Variants in ASIC2 observed in about 807,000 individuals in gnomAD.
ASIC2 encodes acid sensing ion channel subunit 2.
In ASIC2, 25 loss-of-function variants were observed where a neutral mutation model predicts 57.3. That is an observed-to-expected ratio of 0.44 (90% confidence interval 0.32 to 0.61). The LOEUF (loss-of-function observed/expected upper bound fraction) is 0.61, where lower values mean the gene tolerates loss of function less well. Among genes scored for constraint, ASIC2 ranks in the 20% least tolerant of loss-of-function variants. The probability of loss-of-function intolerance (pLI) is 0.06; values close to 1 mark genes in which losing one functional copy is unlikely to be tolerated. For missense variants in ASIC2, 641 were observed against 738.1 expected (o/e 0.87, Z 1.52); for synonymous variants, 319 against 307.5 (o/e 1.04, Z -0.39).
rs1452536784 is a variant in ASIC2 at position 33,013,129 on chromosome 17, C to T, written c.*836G>A. 2 of 152,038 alleles carry T rather than the reference C, an allele frequency of 1.3e-5. No homozygotes were observed. The highest frequency in any genetic ancestry group is 2.4e-5 in the African/African-American group (1 of 41,326). 9.4% of individuals were successfully genotyped at this position (152,038 alleles called of 1,614,324 possible). The stretch of plus-strand genomic sequence containing the variant: ...TTTAATATGACTGTGATTTGAAGCA[C>T]GAATAAATAAATGCCAAAGAAAATG... On this transcript the variant is annotated 3_prime_UTR_variant, in exon 10 of 10. Coordinates refer to ENST00000225823, the MANE Select transcript of ASIC2 (RefSeq NM_183377.2).
At chr17:33,322,313 A>G (rs1381339331) in intron 1 of ASIC2, among the ~76,000 whole-genome samples, 1 of 152,168 alleles carries the variant, frequency 6.6e-6, no homozygotes, top group Non-Finnish European at 1.5e-5. Flanking sequence ...GCCAGTTGGA[A>G]GGAAGATCCA....
intron 1 of ASIC2, among the ~76,000 whole-genome samples, chr17:33,427,476 A>C (rs1338877512): frequency 6.6e-6 from 1 of 152,232 alleles, no homozygotes; most frequent in Non-Finnish European, 1.5e-5. Flanking sequence ...GAATCAAATG[A>C]GAGAAAACTA....
At chr17:33,958,216 G>A (rs1012878311) in intron 1 of ASIC2, among the ~76,000 whole-genome samples, 1 of 152,188 alleles carries the variant, frequency 6.6e-6, no homozygotes, top group African/African-American at 2.4e-5. Flanking sequence ...GCTTTTCCAG[G>A]TGCACGATGC....
Position 33,720,828 on chromosome 17 carries a change from G to A in ASIC2, c.555+435150C>T, listed in dbSNP as rs551946725. On this transcript the variant is annotated intron_variant, in intron 1 of 9. Transcript: ENST00000359872. ...GATCACGGAGTAATGCACTTGCTTG[G>A]ATCGTTGTCTGTAATTCATCATACT... is the stretch of plus-strand genomic sequence containing the variant. Among the ~76,000 whole-genome samples the A allele has an allele frequency of 4.1e-4, 62 of 152,310 alleles. No individual in the cohort carries two copies. The South Asian group carries it at 0.011, about 27-fold the overall frequency.
At chr17:33,433,616 G>C (rs889897864) in intron 1 of ASIC2, among the ~76,000 whole-genome samples, 3 of 152,070 alleles carry the variant, frequency 2.0e-5, no homozygotes, top group African/African-American at 7.2e-5. Flanking sequence ...GGGGCGTGGT[G>C]GTGTGTGCCT....
chr17:33,143,368 C>T (rs1904409344), intron 1 of ASIC2, among the ~76,000 whole-genome samples: 1 of 152,166 alleles, frequency 6.6e-6, no homozygotes, highest in Non-Finnish European at 1.5e-5. Flanking sequence ...TTATTACACC[C>T]TTTAAAGCAT....
chr17:33,577,571 T>A (rs1916666366), intron 1 of ASIC2, among the ~76,000 whole-genome samples: 1 of 152,088 alleles, frequency 6.6e-6, no homozygotes, highest in South Asian at 2.1e-4. Flanking sequence ...TAACCAAACC[T>A]GATATTTCAG....
At chr17:33,720,052 T>TA (rs1263736042) in intron 1 of ASIC2, among the ~76,000 whole-genome samples, 2 of 152,100 alleles carry the variant, frequency 1.3e-5, no homozygotes, top group Non-Finnish European at 2.9e-5. Flanking sequence ...GTTAGTTTTT[T>TA]AAAAAATATT....
chr17:33,565,331 T>C (rs6505357), intron 1 of ASIC2, among the ~76,000 whole-genome samples: 81,057 of 151,992 alleles, frequency 0.53, 23,001 homozygotes, highest in African/African-American at 0.74. Flanking sequence ...ATTCAAATTC[T>C]CATTTTACAG....
chr17:34,143,897 C>CG (rs1555601913), intron 1 of ASIC2, among the ~76,000 whole-genome samples: 1 of 151,562 alleles, frequency 6.6e-6, no homozygotes, highest in African/African-American at 2.4e-5. Flanking sequence ...AACTAAACCT[C>CG]TTTTTTTTTC....
intron 1 of ASIC2, among the ~76,000 whole-genome samples, chr17:33,555,587 T>C (rs908651406): frequency 2.6e-5 from 4 of 152,042 alleles, no homozygotes; most frequent in Non-Finnish European, 5.9e-5. Flanking sequence ...AGCCCAAACT[T>C]TGAGCTCATG....
intron 1 of ASIC2, among the ~76,000 whole-genome samples, chr17:34,130,224 A>C (rs1911910262): frequency 6.6e-6 from 1 of 151,374 alleles, no homozygotes; most frequent in Non-Finnish European, 1.5e-5. Context: ...AGTCACTGCC[A>C]CCCATGACTT....
chr17:34,091,996 G>A (rs1010537666), intron 1 of ASIC2, among the ~76,000 whole-genome samples: 9 of 152,200 alleles, frequency 5.9e-5, no homozygotes, highest in Non-Finnish European at 1.5e-5. Context: ...CTTCCATGGG[G>A]GTAGGAGCTT....
At chr17:33,692,493 A>G (rs1039731714) in intron 1 of ASIC2, 3 of 152,314 alleles carry the variant, frequency 2.0e-5, no homozygotes, top group Admixed American at 1.3e-4. Context: ...ACAGTTATAA[A>G]AGTCTTGAAC....
intron 1 of ASIC2, among the ~76,000 whole-genome samples, chr17:33,487,157 A>T (rs530729442): frequency 1.2e-4 from 19 of 152,254 alleles, no homozygotes; most frequent in African/African-American, 1.9e-4. Context: ...TTTTTCTGGG[A>T]CCAAGAAGAA....
At chr17:33,196,664 T>G (rs1906641448) in intron 1 of ASIC2, among the ~76,000 whole-genome samples, 1 of 152,246 alleles carries the variant, frequency 6.6e-6, no homozygotes, top group Non-Finnish European at 1.5e-5. Flanking sequence ...GTGGTGGCAG[T>G]GCCTCATGTC....
chr17:33,325,633 A>T (rs966815516), intron 1 of ASIC2, among the ~76,000 whole-genome samples: 4 of 152,102 alleles, frequency 2.6e-5, no homozygotes, highest in African/African-American at 9.7e-5. Context: ...AACTAGGATA[A>T]TGGTACCCTT....
chr17:33,974,979 G>T (rs1272273423), intron 1 of ASIC2, among the ~76,000 whole-genome samples: 1 of 152,064 alleles, frequency 6.6e-6, no homozygotes, highest in East Asian at 1.9e-4. Flanking sequence ...TATTTATGTG[G>T]TGTGTTGGCC....
intron 1 of ASIC2, among the ~76,000 whole-genome samples, chr17:34,121,331 C>T (rs1363562355): frequency 1.3e-5 from 2 of 152,168 alleles, no homozygotes; most frequent in East Asian, 3.9e-4. Context: ...AATGAATGCA[C>T]CCACTATCCT....
Sources: allele counts gnomAD v4.1 joint callset (sites outside exome capture counted in the v4.1 genomes callset), GRCh38; gene constraint gnomAD v4.1.1; transcripts MANE v1.5; gene names NCBI Gene and HGNC (gene_info 2026-07-23, HGNC 2026-07-21).